Variants in RIMS1 observed in about 807,000 individuals in gnomAD.
RIMS1 encodes the protein regulating synaptic membrane exocytosis 1.
Under a neutral mutation model 214.1 loss-of-function variants are expected in RIMS1, and 83 were observed. The observed-to-expected ratio is 0.39, with a 90% CI of 0.32 to 0.47. The LOEUF (loss-of-function observed/expected upper bound fraction) is 0.47. RIMS1 is among the 20% of genes least tolerant of loss of function. The probability of loss-of-function intolerance (pLI) is 0.99; values close to 1 mark genes in which losing one functional copy is unlikely to be tolerated. For missense variants in RIMS1, 2,050 were observed against 2,161.8 expected, an observed-to-expected ratio of 0.95 and a Z score of 1.03; for synonymous variants, 793 against 786.8, an observed-to-expected ratio of 1.01 and a Z score of -0.13.
intron 1 of RIMS1, among the ~76,000 whole-genome samples, chr6:71,889,181 G>A (rs575002069): frequency 1.0e-3 from 158 of 152,300 alleles, no homozygotes; most frequent in Non-Finnish European, 1.4e-3. Flanking sequence ...GGAAGGCACG[G>A]TGCAAGTAGT....
At chr6:72,145,308 G>A (rs940194000) in intron 4 of RIMS1, among the ~76,000 whole-genome samples, 7 of 152,054 alleles carry the variant, frequency 4.6e-5, no homozygotes, top group African/African-American at 1.7e-4. Flanking sequence ...TTGGGCTCCT[G>A]GGCCTATTAG....
intron 29 of RIMS1, among the ~76,000 whole-genome samples, chr6:72,376,727 A>G (rs180866481): frequency 6.0e-4 from 91 of 150,496 alleles, no homozygotes; most frequent in African/African-American, 2.2e-3. Context: ...AGCCTGGGTG[A>G]CAGAGAGAGA....
chr6:72,394,832 A>G (rs1305264518), intron 31 of RIMS1, among the ~76,000 whole-genome samples: 1 of 152,138 alleles, frequency 6.6e-6, no homozygotes, highest in Non-Finnish European at 1.5e-5. Context: ...AACTGACCAG[A>G]CAAATAAAGA....
chr6:72,209,523 A>T lies in RIMS1; in HGVS notation c.1679-24250A>T, dbSNP rs183936423. Among the ~76,000 whole-genome samples the T allele has an allele frequency of 1.7e-3, 261 of 152,284 alleles. 2 individuals are homozygous for T. The highest frequency in any genetic ancestry group is 4.9e-4 in the Non-Finnish European group (33 of 68,018). On this transcript the variant is annotated intron_variant, in intron 6 of 33. Coordinates refer to ENST00000521978, the MANE Select transcript of RIMS1 (RefSeq NM_014989.7). Reference sequence around the variant, plus strand: ...CAAATTGTGTCTTGAATATTGATTTATTCTGTTTTTAGCTGTATGCAATCG... The same window carrying T: ...CAAATTGTGTCTTGAATATTGATTTTTTCTGTTTTTAGCTGTATGCAATCG...
intron 5 of RIMS1, among the ~76,000 whole-genome samples, chr6:72,181,454 C>G (rs1047461239): frequency 5.3e-5 from 8 of 152,120 alleles, no homozygotes; most frequent in African/African-American, 1.9e-4. Context: ...AAGATGATAT[C>G]TTTAAATAAG....
At chr6:72,101,132 T>C (rs2153809312) in intron 4 of RIMS1, among the ~76,000 whole-genome samples, 2 of 151,974 alleles carry the variant, frequency 1.3e-5, no homozygotes, top group Admixed American at 1.3e-4. Flanking sequence ...TTTAGGCAGA[T>C]TTGGTGATAA....
chr6:72,212,071 A>G (rs1480003342), intron 6 of RIMS1, among the ~76,000 whole-genome samples: 1 of 152,092 alleles, frequency 6.6e-6, no homozygotes, highest in Non-Finnish European at 1.5e-5. Flanking sequence ...TATTTTTGCT[A>G]TTTACAACAT....
At chr6:72,283,403 CTG>C (rs1209193511) in intron 23 of RIMS1, among the ~76,000 whole-genome samples, 26 of 152,036 alleles carry the variant, frequency 1.7e-4, no homozygotes, top group African/African-American at 6.0e-4. Context: ...GTAGAATAAA[CTG>C]GGGAATATGA....
chr6:72,015,335 G>A (rs1584954374), intron 2 of RIMS1, among the ~76,000 whole-genome samples: 1 of 152,078 alleles, frequency 6.6e-6, no homozygotes, highest in South Asian at 2.1e-4. Flanking sequence ...TTTTGGATCA[G>A]GGATGTCCAA....
chr6:72,056,562 C>T (rs1585866779), intron 2 of RIMS1, among the ~76,000 whole-genome samples: 1 of 152,284 alleles, frequency 6.6e-6, no homozygotes, highest in Non-Finnish European at 1.5e-5. Flanking sequence ...TTTTTACTTT[C>T]ATATTTTCAT....
chr6:72,053,261 G>C (rs1483204526), intron 2 of RIMS1, among the ~76,000 whole-genome samples: 1 of 152,152 alleles, frequency 6.6e-6, no homozygotes, highest in African/African-American at 2.4e-5. Context: ...TGTAGCTCAT[G>C]TAGAAATGTT....
intron 1 of RIMS1, among the ~76,000 whole-genome samples, chr6:71,924,295 A>G (rs1562205476): frequency 6.6e-6 from 1 of 152,122 alleles, no homozygotes; most frequent in Non-Finnish European, 1.5e-5. Flanking sequence ...ACAAGTTTCT[A>G]TTTTTGCCTC....
chr6:72,313,615 G>A lies in RIMS1; in HGVS notation c.4073G>A (p.Arg1358His), dbSNP rs750430793. 3.7e-6 allele frequency: 6 copies of A among 1,613,568 alleles called. No individual in the cohort carries two copies. Among genetic ancestry groups the A allele is most frequent in the South Asian group, 2.2e-5 (2 of 90,980 alleles). ...ATTTCCCGAACCAGCAGTGCCTCAC[G>A]CCTCAGCAGCACAAGCTTTATGTCA... ...SAISRTSSAS[R>H]LSSTSFMSEQ... The change falls in exon 28 of 34, where the codon CGC becomes CAC. Residue 1358 changes from arginine to histidine, a missense_variant. Around this residue, in one of 6 missense-constraint regions of RIMS1, gnomAD observed 889 missense variants for 885.5 expected, o/e 1.00. Transcript: ENST00000521978.
chr6:72,317,311 G>C (rs2095857850), intron 28 of RIMS1: 1 of 268,044 alleles, frequency 3.7e-6, no homozygotes, highest in South Asian at 5.9e-5. Flanking sequence ...GCACAGGGCT[G>C]TGTTCTGCCA....
rs567650146 is a variant in RIMS1, at chr6:72,196,529, T to C, written c.1678+13380T>C. ...ATTGTAACCTTAAAACAATTACAACTTAACCCATTTCCCGTTTGCCCTAAA... is the reference window on the plus strand; with the variant it reads ...ATTGTAACCTTAAAACAATTACAACCTAACCCATTTCCCGTTTGCCCTAAA... On this transcript the variant is annotated intron_variant, in intron 6 of 33. Transcript: ENST00000521978. Among the ~76,000 whole-genome samples the C allele has an allele frequency of 1.2e-3, 182 of 151,174 alleles. 1 individual carries two copies. The highest frequency in any genetic ancestry group is 4.2e-3 in the African/African-American group (174 of 41,096).
At chr6:72,185,452 G>T (rs2496510) in intron 6 of RIMS1, among the ~76,000 whole-genome samples, 149,694 of 152,250 alleles carry the variant, frequency 0.98, 73,637 homozygotes, top group East Asian at 1. Flanking sequence ...GGGTGAAAGG[G>T]TTCTAAATAT....
At chr6:72,297,930 A>G (rs942597971) in intron 26 of RIMS1, among the ~76,000 whole-genome samples, 1 of 152,030 alleles carries the variant, frequency 6.6e-6, no homozygotes, top group African/African-American at 2.4e-5. Flanking sequence ...GCTGGGATCT[A>G]TCTTATTAGA....
Position 72,307,377 on chromosome 6 carries a change from T to G in RIMS1, c.3963+7T>G. The G allele has an allele frequency of 6.5e-7, 1 of 1,536,868 alleles. No individual in the cohort carries two copies. The highest frequency in any genetic ancestry group is 8.9e-7 in the Non-Finnish European group (1 of 1,121,740). ...TCGCGAGCAATATTCCAAGGTAAAA[T>G]TAGTAGTATCCAACAAATAGTTTCC... On this transcript the variant is annotated splice_region_variant and intron_variant, in intron 27 of 33. Transcript: ENST00000521978.
chr6:72,281,979 A>G (rs1347398869), intron 23 of RIMS1, among the ~76,000 whole-genome samples: 1 of 151,962 alleles, frequency 6.6e-6, no homozygotes, highest in African/African-American at 2.4e-5. Flanking sequence ...TTCCACAGAC[A>G]TATTCCAACC....
Sources: gnomAD v4.1 joint callset for allele counts (sites outside exome capture counted in the v4.1 genomes callset) on GRCh38, gnomAD v4.1.1 for gene constraint, gnomAD v4.1.1 regional missense constraint, MANE v1.5 for transcripts, NCBI Gene and HGNC (gene_info 2026-07-23, HGNC 2026-07-21) for gene names.